Variants in SMG7 observed in about 807,000 individuals in gnomAD.
The protein encoded by SMG7 is SMG7 nonsense mediated mRNA decay factor.
A neutral mutation model predicts 148.2 loss-of-function variants in SMG7; 34 were observed. That is an observed-to-expected ratio of 0.23 (90% confidence interval 0.17 to 0.31). The LOEUF is 0.31. Among genes scored for constraint, SMG7 ranks in the 10% least tolerant of loss-of-function variants. SMG7 has a pLI of 1.00. For synonymous variants in SMG7, 492 were observed against 515.1 expected (o/e 0.96, Z 0.61); for missense variants, 1,114 against 1,408.4 (o/e 0.79, Z 3.35).
intron 1 of SMG7, among the ~76,000 whole-genome samples, chr1:183,484,448 T>C (rs1421659149): frequency 6.6e-6 from 1 of 151,020 alleles, no homozygotes. Context: ...ACAATAACCC[T>C]CATGCTTTCT....
chr1:183,518,475 G>A (rs1040216286), intron 4 of SMG7: 1 of 152,142 alleles, frequency 6.6e-6, no homozygotes, highest in Non-Finnish European at 1.5e-5. Flanking sequence ...GCTATGTTGC[G>A]CCAGATAAGA....
intron 13 of SMG7, among the ~76,000 whole-genome samples, 179 bp downstream of exon 13, chr1:183,541,282 C>T (rs1400536127): frequency 6.6e-6 from 1 of 152,220 alleles, no homozygotes; most frequent in African/African-American, 2.4e-5. Flanking sequence ...TAATTATAAC[C>T]CTAGTGAGTA....
At chr1:183,535,659 G>A (rs957490534) in intron 10 of SMG7, among the ~76,000 whole-genome samples, 7 of 152,000 alleles carry the variant, frequency 4.6e-5, no homozygotes, top group African/African-American at 1.7e-4. Context: ...TCAATTTCTA[G>A]AATTTACTTT....
Position 183,544,954 on chromosome 1 carries a change from TC to T in SMG7, c.2018del (p.Pro673ArgfsTer57). The stretch of plus-strand genomic sequence containing the variant: ...GGGTTTCCGCCCCCAACATATGTTA[TC>T]CCCCCGCCTGTGGCATTTTCTATGG... ...RPGFPPPTYV[I>X]PPPVAFSMGS... On this transcript the variant is annotated frameshift_variant, in exon 16 of 23. Coordinates refer to ENST00000688051, the MANE Select transcript of SMG7 (RefSeq NM_001375584.1). LOFTEE classifies it high-confidence loss of function. The T allele has an allele frequency of 6.2e-7, 1 of 1,613,616 alleles. No individual in the cohort carries two copies. The highest frequency in any genetic ancestry group is 8.5e-7 in the Non-Finnish European group (1 of 1,179,694).
chr1:183,535,623 C>A (rs1362616772), intron 10 of SMG7, among the ~76,000 whole-genome samples: 1 of 151,934 alleles, frequency 6.6e-6, no homozygotes, highest in East Asian at 1.9e-4. Flanking sequence ...TTCAAATAAT[C>A]TTCAGTTTCT....
intron 11 of SMG7, among the ~76,000 whole-genome samples, chr1:183,537,492 T>A (rs1667999271): frequency 6.6e-6 from 1 of 152,110 alleles, no homozygotes; most frequent in Non-Finnish European, 1.5e-5. Flanking sequence ...CTTACTATTT[T>A]AAAAAAAGCA....
At chr1:183,482,977 A>C (rs1403343884) in intron 1 of SMG7, among the ~76,000 whole-genome samples, 6 of 152,178 alleles carry the variant, frequency 3.9e-5, no homozygotes, top group Non-Finnish European at 2.9e-5. Context: ...TTAGTTACTA[A>C]GGTTAAGTGA....
chr1:183,475,360 A>G (rs1466049376), intron 1 of SMG7, among the ~76,000 whole-genome samples: 1 of 152,204 alleles, frequency 6.6e-6, no homozygotes, highest in Non-Finnish European at 1.5e-5. Context: ...TATCTGGACA[A>G]AGTGGTCGGG....
chr1:183,487,130 G>A (rs577282130), intron 1 of SMG7, among the ~76,000 whole-genome samples: 3 of 152,256 alleles, frequency 2.0e-5, no homozygotes, highest in African/African-American at 7.2e-5. Flanking sequence ...ACACACAACA[G>A]TTCTGGAGGT....
In SMG7 at chr1:183,552,242, C is replaced by CA. The variant is rs1671191500; in HGVS notation, c.*312dup. 9.6e-7 allele frequency: 1 copy of CA among 1,042,048 alleles called. No individual in the cohort carries two copies. The highest frequency in any genetic ancestry group is 5.6e-5 in the Admixed American group (1 of 17,970). 64.6% of individuals were successfully genotyped at this position (1,042,048 alleles called of 1,614,324 possible). On this transcript the variant is annotated 3_prime_UTR_variant, in exon 23 of 23. Coordinates refer to ENST00000688051, the MANE Select transcript of SMG7 (RefSeq NM_001375584.1). ...TCTCCATCGTGCATGTCCCCAGCCA[C>CA]ATGGGAAGTGAAAGCTGAGAAGGGA... is the stretch of plus-strand genomic sequence containing the variant.
intron 1 of SMG7, chr1:183,508,064 C>A: frequency 2.2e-6 from 1 of 456,002 alleles, no homozygotes; most frequent in Non-Finnish European, 2.9e-6. Context: ...ATTCATGTTG[C>A]CATACCCTCT....
At chr1:183,525,034 C>T (rs1665559136) in intron 4 of SMG7, among the ~76,000 whole-genome samples, 1 of 152,076 alleles carries the variant, frequency 6.6e-6, no homozygotes, top group South Asian at 2.1e-4. Flanking sequence ...GATATACTAG[C>T]ACATACTTGG....
In SMG7 at chr1:183,526,827, A is replaced by G. The variant is rs954336867; in HGVS notation, c.484+60A>G. On this transcript the variant is annotated intron_variant, in intron 5 of 22. Transcript: ENST00000688051. ...TCCTCCTTTTCTTTGGAATAGTCAT[A>G]GAAAGAAACTGTTTTCCTTTAAGCG... 5.0e-6 allele frequency: 7 copies of G among 1,411,416 alleles called. No individual in the cohort carries two copies. The African/African-American group carries it at 1.0e-4, about 20-fold the overall frequency. 87.4% of individuals were successfully genotyped at this position (1,411,416 alleles called of 1,614,324 possible). A position where few individuals can be genotyped will look rare whatever the true frequency, so the allele number is the denominator to read the frequency against.
At chr1:183,538,310 T>G (rs1483783620) in intron 11 of SMG7, 70 bp from the exon 12 acceptor site, 2 of 994,848 alleles carry the variant, frequency 2.0e-6, no homozygotes, top group Non-Finnish European at 1.6e-6. Flanking sequence ...TTAAAAAAAT[T>G]TAGTGAACAG....
chr1:183,502,256 G>A, intron 1 of SMG7: 1 of 1,527,344 alleles, frequency 6.5e-7, no homozygotes, highest in Non-Finnish European at 8.8e-7. Context: ...TATCTAGAAT[G>A]TCTTAAACCA....
intron 1 of SMG7, among the ~76,000 whole-genome samples, chr1:183,474,410 A>C (rs1651576862): frequency 6.6e-6 from 1 of 152,140 alleles, no homozygotes; most frequent in Non-Finnish European, 1.5e-5. Flanking sequence ...TAAAAATACA[A>C]AAAATTAGCT....
At position 183,501,872 on chromosome 1, in the gene SMG7, A is replaced by G. The variant is rs183941630; in HGVS notation, c.30-10965A>G. On this transcript the variant is annotated intron_variant, in intron 1 of 22. Transcript: ENST00000688051. ...TTTAATTGTTTTACATATTTTTTAC[A>G]TAATTGTTTTGTTTTACATATTTTT... Among the ~76,000 whole-genome samples the G allele has an allele frequency of 1.3e-4, 20 of 152,290 alleles. No individual in the cohort carries two copies. In the East Asian group the frequency reaches 3.5e-3, roughly 26 times the overall value.
intron 1 of SMG7, among the ~76,000 whole-genome samples, chr1:183,475,112 T>C (rs1197806756): frequency 6.6e-6 from 1 of 152,248 alleles, no homozygotes; most frequent in Non-Finnish European, 1.5e-5. Context: ...AATGTAGGTC[T>C]TCTAACTTCA....
chr1:183,513,983 T>C (rs1173699047), intron 2 of SMG7, among the ~76,000 whole-genome samples: 1 of 124,746 alleles, frequency 8.0e-6, no homozygotes, highest in Non-Finnish European at 1.6e-5. Context: ...TGAGCAGAGA[T>C]CAAACCCCTG....
Sources: allele counts gnomAD v4.1 joint callset (sites outside exome capture counted in the v4.1 genomes callset), GRCh38; gene constraint gnomAD v4.1.1; transcripts MANE v1.5; gene names NCBI Gene and HGNC (gene_info 2026-07-23, HGNC 2026-07-21).